The following PLEKHA6 variants were observed in gnomAD, a reference collection of about 807,000 sequenced individuals.
The protein encoded by PLEKHA6 is pleckstrin homology domain-containing family A member 6.
A neutral mutation model predicts 116.7 loss-of-function variants in PLEKHA6; 60 were observed. The ratio of observed to expected loss-of-function variants is 0.51; its 90% CI spans 0.42 to 0.64. The LOEUF is 0.64. Ranked by LOEUF, PLEKHA6 falls within the 30% of genes least tolerant of loss-of-function variation. The pLI, the probability that PLEKHA6 is intolerant of heterozygous loss-of-function variation, is 0.00. For missense variants in PLEKHA6, 1,338 were observed against 1,422.7 expected (o/e 0.94, Z 0.96); for synonymous variants, 489 against 556.1 (o/e 0.88, Z 1.70).
intron 3 of PLEKHA6, among the ~76,000 whole-genome samples, chr1:204,366,693 G>A (rs1391767700): frequency 6.6e-6 from 1 of 152,146 alleles, no homozygotes; most frequent in Admixed American, 6.5e-5. Flanking sequence ...CCCCGGAGAT[G>A]GAAATTGCAG....
chr1:204,265,879 A>G (rs1322336910), intron 5 of PLEKHA6, among the ~76,000 whole-genome samples: 1 of 152,190 alleles, frequency 6.6e-6, no homozygotes, highest in Non-Finnish European at 1.5e-5. Context: ...CGGATCTCCA[A>G]AGGAGCCTGA....
At chr1:204,248,281 C>T (rs564362865) in intron 12 of PLEKHA6, among the ~76,000 whole-genome samples, 145 of 151,926 alleles carry the variant, frequency 9.5e-4, no homozygotes, top group African/African-American at 3.3e-3. Flanking sequence ...GCCTCAGCCT[C>T]CTATCTGGGA....
chr1:204,377,487 C>A (rs1572241856), intron 1 of PLEKHA6: 1 of 152,384 alleles, frequency 6.6e-6, no homozygotes, highest in East Asian at 1.9e-4. Flanking sequence ...CACCGCTTCA[C>A]CCACCTTCTC....
chr1:204,281,396 G>A (rs1668591252), intron 1 of PLEKHA6, among the ~76,000 whole-genome samples: 1 of 151,924 alleles, frequency 6.6e-6, no homozygotes, highest in Non-Finnish European at 1.5e-5. Flanking sequence ...CTGGTGGCGG[G>A]CACCTGTAGT....
At chr1:204,239,510 A>T (rs1477968566) in intron 17 of PLEKHA6, among the ~76,000 whole-genome samples, 1 of 152,116 alleles carries the variant, frequency 6.6e-6, no homozygotes, top group Non-Finnish European at 1.5e-5. Context: ...CTGCCAAGAC[A>T]ACCATCCATG....
chr1:204,248,958 T>C lies in PLEKHA6; in HGVS notation c.1687A>G (p.Ser563Gly), dbSNP rs1429592065. The C allele has an allele frequency of 6.2e-7, 1 of 1,614,060 alleles. No individual in the cohort carries two copies. Among genetic ancestry groups the C allele is most frequent in the Non-Finnish European group, 8.5e-7 (1 of 1,179,976 alleles). ...TCCTGGTGGGTCCCCATCAAGGCAC[T>C]TTCCAGGCTCTCCTGAAGAAAGGCA... ...QLRAEKESLESALMGTHQELE... is the reference protein window; with the variant it reads ...QLRAEKESLEGALMGTHQELE... Residue 563 changes from serine to glycine, a missense_variant, in exon 12 of 23, where the codon AGT becomes GGT. Around this residue, in one of 3 missense-constraint regions of PLEKHA6, gnomAD observed 1,136 missense variants for 1,163.6 expected, o/e 0.98. Coordinates refer to ENST00000272203, the MANE Select transcript of PLEKHA6 (RefSeq NM_014935.5).
chr1:204,262,688 C>T (rs772385755), intron 6 of PLEKHA6, among the ~76,000 whole-genome samples: 1 of 152,054 alleles, frequency 6.6e-6, no homozygotes, highest in Admixed American at 6.5e-5. Flanking sequence ...GGTCCCACCT[C>T]GCCTCCACCT....
chr1:204,314,683 T>C (rs897690429), intron 1 of PLEKHA6, among the ~76,000 whole-genome samples: 4 of 152,348 alleles, frequency 2.6e-5, no homozygotes, highest in African/African-American at 9.6e-5. Flanking sequence ...TGCCCTTCCC[T>C]GAGTCAAGCT....
chr1:204,297,892 G>T (rs1053690432), intron 1 of PLEKHA6: 1 of 984,996 alleles, frequency 1.0e-6, no homozygotes, highest in Admixed American at 6.2e-5. Flanking sequence ...GTGAGTGATA[G>T]AGGGAAGACG....
rs751003726 is a variant in PLEKHA6 at position 204,261,103 on chromosome 1, G to A, written c.524+203C>T. Among the ~76,000 whole-genome samples, 16 of 152,230 alleles carry A rather than the reference G, an allele frequency of 1.1e-4. No individual in the cohort carries two copies. The highest frequency in any genetic ancestry group is 1.3e-4 in the Non-Finnish European group (9 of 68,044). ...GGCCTTCCCGAGCTCAGAGAGAAGA[G>A]GAGGAGCTGGCTAGGGGAAGAGAGA... On this transcript the variant is annotated intron_variant, in intron 7 of 22. Transcript: ENST00000272203. This position sits in a 1 kb window ranked among gnomAD's most constrained non-coding sequence, Gnocchi z 4.0.
chr1:204,270,659 G>T lies in PLEKHA6; in HGVS notation c.103-2347C>A, dbSNP rs115839190. ...AAATTCCACTACCGTGGTCTTAAAG[G>T]TCCTCATCACTTCCTGCTGTCCGCC... On this transcript the variant is annotated intron_variant, in intron 3 of 22. Coordinates refer to ENST00000272203, the MANE Select transcript of PLEKHA6 (RefSeq NM_014935.5). 1.5e-3 allele frequency among the ~76,000 whole-genome samples: 222 copies of T among 152,250 alleles called. 3 individuals are homozygous for T. The highest frequency in any genetic ancestry group is 5.1e-3 in the African/African-American group (210 of 41,544).
chr1:204,313,516 C>T (rs1671741511), intron 1 of PLEKHA6: 37 of 964,522 alleles, frequency 3.8e-5, no homozygotes, highest in Admixed American at 6.2e-5. Flanking sequence ...GTTCAGAGCT[C>T]ACACAAGATG....
At chr1:204,280,428 C>A (rs1258143380) in intron 1 of PLEKHA6, 1 of 985,258 alleles carries the variant, frequency 1.0e-6, no homozygotes, top group African/African-American at 1.7e-5. Flanking sequence ...AAATACTCCA[C>A]TCCTTCCACC....
At chr1:204,302,348 C>A (rs1572135788) in intron 1 of PLEKHA6, among the ~76,000 whole-genome samples, 1 of 152,310 alleles carries the variant, frequency 6.6e-6, no homozygotes, top group Middle Eastern at 3.4e-3. Context: ...TCCTTGTTGA[C>A]CTTGCATGTG....
intron 18 of PLEKHA6, among the ~76,000 whole-genome samples, chr1:204,229,566 C>T (rs1452024597): frequency 6.6e-6 from 1 of 152,154 alleles, no homozygotes; most frequent in Admixed American, 6.5e-5. Context: ...GGTGAATCCA[C>T]CATGCCCAGC....
intron 1 of PLEKHA6, among the ~76,000 whole-genome samples, chr1:204,376,083 G>C (rs1281467540): frequency 6.6e-6 from 1 of 152,038 alleles, no homozygotes; most frequent in Non-Finnish European, 1.5e-5. Flanking sequence ...TATTCTCCCT[G>C]TTAACTTAAA....
chr1:204,350,502 C>T (rs1673239680), intron 1 of PLEKHA6, among the ~76,000 whole-genome samples: 1 of 152,126 alleles, frequency 6.6e-6, no homozygotes, highest in Non-Finnish European at 1.5e-5. Context: ...GGGCTCAGAG[C>T]AGGGTTGGCC....
chr1:204,319,705 G>A (rs1671987620), intron 1 of PLEKHA6, among the ~76,000 whole-genome samples: 1 of 152,186 alleles, frequency 6.6e-6, no homozygotes, highest in Non-Finnish European at 1.5e-5. Flanking sequence ...AGTTCCTTGA[G>A]GGCAGTGGCC....
chr1:204,286,709 G>T (rs779764618), intron 1 of PLEKHA6, among the ~76,000 whole-genome samples: 1 of 152,144 alleles, frequency 6.6e-6, no homozygotes, highest in Non-Finnish European at 1.5e-5. Flanking sequence ...AAGCCCCCCT[G>T]CCCTGCCTGG....
Sources: gnomAD v4.1 joint callset for allele counts (sites outside exome capture counted in the v4.1 genomes callset) on GRCh38, gnomAD v4.1.1 for gene constraint, gnomAD v4.1.1 regional missense constraint, Gnocchi (gnomAD v3.1) non-coding constraint, MANE v1.5 for transcripts, NCBI Gene and HGNC (gene_info 2026-07-23, HGNC 2026-07-21) for gene names.